The following UXS1 variants were observed in gnomAD, a reference collection of about 807,000 sequenced individuals.
UXS1 encodes the protein UDP-glucuronate decarboxylase 1.
In UXS1, 33 loss-of-function variants were observed where a neutral mutation model predicts 62.6. The ratio of observed to expected loss-of-function variants is 0.53; its 90% confidence interval spans 0.40 to 0.70. The LOEUF is 0.70. UXS1 is among the 30% of genes least tolerant of loss of function. The pLI, the probability that UXS1 is intolerant of heterozygous loss-of-function variation, is 0.00. For missense variants in UXS1, 434 were observed against 556.3 expected, an observed-to-expected ratio of 0.78 and a Z score of 2.21; for synonymous variants, 213 against 206.8, an observed-to-expected ratio of 1.03 and a Z score of -0.26.
At chr2:106,122,931 A>G in intron 9 of UXS1, 39 bp downstream of exon 9, 2 of 1,610,104 alleles carry the variant, frequency 1.2e-6, no homozygotes, top group Non-Finnish European at 1.7e-6. Flanking sequence ...CAGGGTGCTC[A>G]GCACGCCTAA....
chr2:106,121,891 G>A (rs1679552917), intron 9 of UXS1, among the ~76,000 whole-genome samples: 1 of 152,162 alleles, frequency 6.6e-6, no homozygotes, highest in African/African-American at 2.4e-5. Flanking sequence ...CCTGTCCTCT[G>A]TGGTACCACG....
At chr2:106,128,756 T>C (rs899367618) in intron 7 of UXS1, among the ~76,000 whole-genome samples, 7 of 152,208 alleles carry the variant, frequency 4.6e-5, no homozygotes, top group Admixed American at 2.6e-4. Flanking sequence ...TCTGTTCTTC[T>C]GTAGAACCTT....
chr2:106,184,696 C>G (rs1249939662), intron 1 of UXS1, among the ~76,000 whole-genome samples: 1 of 152,198 alleles, frequency 6.6e-6, no homozygotes, highest in Non-Finnish European at 1.5e-5. Context: ...CTGACCTAAT[C>G]ACCTCCCAAA....
At chr2:106,130,553 G>C (rs4851113) in intron 6 of UXS1, among the ~76,000 whole-genome samples, 92,227 of 152,114 alleles carry the variant, frequency 0.61, 28,212 homozygotes, top group South Asian at 0.69. Context: ...ATCCACAGGA[G>C]TGAAGAACAG....
intron 5 of UXS1, among the ~76,000 whole-genome samples, chr2:106,156,514 A>G (rs1682436751): frequency 6.6e-6 from 1 of 152,220 alleles, no homozygotes; most frequent in African/African-American, 2.4e-5. Context: ...TATGACACAT[A>G]TAACAAACGT....
chr2:106,156,191 TGAAAA>T (rs532072805), intron 5 of UXS1, among the ~76,000 whole-genome samples: 5 of 152,202 alleles, frequency 3.3e-5, no homozygotes, highest in South Asian at 4.1e-4. Flanking sequence ...AATTCAATGA[TGAAAA>T]GAAAAATAAC....
chr2:106,183,047 A>G lies in UXS1; in HGVS notation c.94+11101T>C, dbSNP rs544336633. ...GAAAAAGATCCTGATTTGGCAATGTATGAGTTTTGCTGAGAAGCCCTGTTT... is the reference window on the plus strand; with the variant it reads ...GAAAAAGATCCTGATTTGGCAATGTGTGAGTTTTGCTGAGAAGCCCTGTTT... On this transcript the variant is annotated intron_variant, in intron 1 of 14. Transcript: ENST00000283148. Among the ~76,000 whole-genome samples the G allele has an allele frequency of 1.7e-4, 26 of 152,302 alleles. No homozygotes were observed. In the East Asian group the frequency reaches 4.8e-3, roughly 28 times the overall value.
chr2:106,166,809 C>T (rs2105066415), intron 1 of UXS1, among the ~76,000 whole-genome samples: 1 of 152,140 alleles, frequency 6.6e-6, no homozygotes, highest in East Asian at 1.9e-4. Context: ...AGGCGTACGC[C>T]ATCACACCTA....
intron 9 of UXS1, among the ~76,000 whole-genome samples, chr2:106,115,638 G>A (rs971989846): frequency 2.6e-5 from 4 of 152,156 alleles, no homozygotes; most frequent in African/African-American, 9.7e-5. Flanking sequence ...GGTGGAGGCT[G>A]GAATGCCTGG....
At chr2:106,162,123 G>A (rs77175436) in intron 4 of UXS1, among the ~76,000 whole-genome samples, 256 of 152,162 alleles carry the variant, frequency 1.7e-3, no homozygotes, top group African/African-American at 5.9e-3. Context: ...GCAGGCACGC[G>A]GATCACCTGA....
intron 11 of UXS1, among the ~76,000 whole-genome samples, chr2:106,104,162 T>C (rs1677848734): frequency 6.6e-6 from 1 of 152,198 alleles, no homozygotes; most frequent in Non-Finnish European, 1.5e-5. Flanking sequence ...AATAGCCACA[T>C]ACTGGTGGAT....
At chr2:106,107,219 C>G (rs552725574) in intron 10 of UXS1, among the ~76,000 whole-genome samples, 1 of 152,300 alleles carries the variant, frequency 6.6e-6, no homozygotes, top group African/African-American at 2.4e-5. Context: ...CCACCACACT[C>G]AGTCAGGGCC....
intron 1 of UXS1, among the ~76,000 whole-genome samples, chr2:106,192,263 AAAACTTTC>A (rs1292158522): frequency 6.6e-6 from 1 of 152,240 alleles, no homozygotes; most frequent in Non-Finnish European, 1.5e-5. Flanking sequence ...GATTGGTTAA[AAAACTTTC>A]CTGCTGGGAG....
At chr2:106,154,607 A>G (rs1222736589) in intron 5 of UXS1, among the ~76,000 whole-genome samples, 3 of 152,192 alleles carry the variant, frequency 2.0e-5, no homozygotes, top group Non-Finnish European at 4.4e-5. Context: ...AGAGGGGCAT[A>G]GGCATGGCCC....
chr2:106,182,421 C>T (rs1377400678), intron 1 of UXS1, among the ~76,000 whole-genome samples: 1 of 152,212 alleles, frequency 6.6e-6, no homozygotes, highest in Non-Finnish European at 1.5e-5. Flanking sequence ...TTTTTCTCTT[C>T]TTTGCACTTC....
At chr2:106,192,485 T>G (rs7600507) in intron 1 of UXS1, among the ~76,000 whole-genome samples, 1 of 151,678 alleles carries the variant, frequency 6.6e-6, no homozygotes, top group Middle Eastern at 3.2e-3. Flanking sequence ...ACCCGGGAGG[T>G]GGAGCGTGCA....
At position 106,174,193 on chromosome 2, in the gene UXS1, C is replaced by T. The variant is rs565987865; in HGVS notation, c.95-8110G>A. Among the ~76,000 whole-genome samples the T allele has an allele frequency of 2.0e-5, 3 of 152,120 alleles. No homozygotes were observed. In the South Asian group the frequency reaches 6.2e-4, roughly 32 times the overall value. On this transcript the variant is annotated intron_variant, in intron 1 of 14. Transcript: ENST00000283148. ...CAGGATGGTTGTTTTCATAACAAGC[C>T]CCAGGAGATTCTGTTCATGAACCAA...
rs552852432 is a variant in UXS1, at chr2:106,111,698, C to T, written c.879+948G>A. The stretch of plus-strand genomic sequence containing the variant: ...ATCATAGGACAGAAGAGTGAGCTAA[C>T]GTGATCAACCAATCAATGGGTAGAT... On this transcript the variant is annotated intron_variant, in intron 10 of 14. Transcript: ENST00000283148. 2.6e-5 allele frequency among the ~76,000 whole-genome samples: 4 copies of T among 152,262 alleles called. No individual in the cohort carries two copies. In the South Asian group the frequency reaches 6.2e-4, roughly 24 times the overall value.
chr2:106,188,997 A>G (rs533089480), intron 1 of UXS1, among the ~76,000 whole-genome samples: 1 of 152,376 alleles, frequency 6.6e-6, no homozygotes, highest in African/African-American at 2.4e-5. Context: ...AATCACTAGA[A>G]GAGTCTAAAT....
Sources: allele counts gnomAD v4.1 joint callset (sites outside exome capture counted in the v4.1 genomes callset), GRCh38; gene constraint gnomAD v4.1.1; transcripts MANE v1.5; gene names NCBI Gene and HGNC (gene_info 2026-07-23, HGNC 2026-07-21).